The following KANK1 variants were observed in gnomAD, a reference collection of about 807,000 sequenced individuals.
KANK1 encodes KN motif and ankyrin repeat domains 1.
Under a neutral mutation model 106.2 loss-of-function variants are expected in KANK1, and 109 were observed. That is an observed-to-expected ratio of 1.03 (90% CI 0.88 to 1.20). The LOEUF (loss-of-function observed/expected upper bound fraction) is 1.20, where lower values mean the gene tolerates loss of function less well. Ranked by LOEUF, KANK1 falls within the 50% of genes most tolerant of loss-of-function variation. The pLI is 0.00. For missense variants in KANK1, 2,399 were observed against 1,710.7 expected (o/e 1.40, Z -7.10); for synonymous variants, 873 against 652.2 (o/e 1.34, Z -5.16).
chr9:707,030 C>CT, intron 2 of KANK1: 1 of 985,514 alleles, frequency 1.0e-6, no homozygotes, highest in Non-Finnish European at 1.2e-6. Flanking sequence ...TGCGGAACAG[C>CT]TGAGTGCGGC....
intron 1 of KANK1, among the ~76,000 whole-genome samples, chr9:647,710 A>G (rs566038817): frequency 1.3e-5 from 2 of 150,790 alleles, no homozygotes; most frequent in African/African-American, 2.5e-5. Flanking sequence ...GTCCTGAGCT[A>G]TTTTTTACTT....
intron 1 of KANK1, among the ~76,000 whole-genome samples, chr9:543,639 A>C (rs2060748560): frequency 6.6e-6 from 1 of 152,172 alleles, no homozygotes; most frequent in Admixed American, 6.5e-5. Context: ...TACGGAAGTC[A>C]GTACAGATCT....
intron 2 of KANK1, among the ~76,000 whole-genome samples, chr9:684,940 T>G (rs1818263546): frequency 6.6e-6 from 1 of 152,206 alleles, no homozygotes; most frequent in African/African-American, 2.4e-5. Flanking sequence ...TAGACTTCTC[T>G]AATAAAACCT....
chr9:553,180 A>AG (rs2061380755), intron 1 of KANK1, among the ~76,000 whole-genome samples: 2 of 152,168 alleles, frequency 1.3e-5, no homozygotes, highest in East Asian at 1.9e-4. Flanking sequence ...TGTCACCTTT[A>AG]TTTAAAAAAA....
chr9:722,290 C>G (rs1318043348), intron 3 of KANK1, among the ~76,000 whole-genome samples: 2 of 152,106 alleles, frequency 1.3e-5, no homozygotes, highest in African/African-American at 4.8e-5. Context: ...TGGAGTTTCA[C>G]TTCAACTGCA....
chr9:542,816 C>G (rs558022321), intron 1 of KANK1, among the ~76,000 whole-genome samples: 4 of 149,042 alleles, frequency 2.7e-5, no homozygotes, highest in South Asian at 4.3e-4. Context: ...TGCATTTTCT[C>G]ACTTATATGT....
At chr9:520,654 A>G (rs2059502355) in intron 1 of KANK1, among the ~76,000 whole-genome samples, 1 of 151,952 alleles carries the variant, frequency 6.6e-6, no homozygotes, top group Admixed American at 6.5e-5. Context: ...AGTTTTTAGA[A>G]TTGGTTAAAT....
intron 1 of KANK1, among the ~76,000 whole-genome samples, chr9:634,659 G>A (rs1836638971): frequency 6.6e-6 from 1 of 152,184 alleles, no homozygotes; most frequent in South Asian, 2.1e-4. Flanking sequence ...GGGAGGGACT[G>A]TTATCATCCT....
At chr9:556,474 C>G (rs1241283084) in intron 1 of KANK1, among the ~76,000 whole-genome samples, 3 of 152,134 alleles carry the variant, frequency 2.0e-5, no homozygotes, top group African/African-American at 7.2e-5. Flanking sequence ...TCATTTTAAA[C>G]TTATAATTAT....
Position 712,496 on chromosome 9 carries a change from T to C in KANK1, c.1730T>C (p.Met577Thr), listed in dbSNP as rs1314712159. Reference sequence around the variant, plus strand: ...TGGATTGTTAAGGAGAGGGTGGAAATGCATGACCGATGTGCTGGGAGGTCT... The same window carrying C: ...TGGATTGTTAAGGAGAGGGTGGAAACGCATGACCGATGTGCTGGGAGGTCT... Reference protein sequence around the residue: ...NWWIVKERVEMHDRCAGRSVE... With the variant: ...NWWIVKERVETHDRCAGRSVE... Residue 577 changes from methionine to threonine, a missense_variant, in exon 3 of 12, where the codon ATG becomes ACG. Met to Thr is a moderately conservative substitution (Grantham distance 81). Coordinates refer to ENST00000382297, the MANE Select transcript of KANK1 (RefSeq NM_015158.5). 2.5e-6 allele frequency: 4 copies of C among 1,614,088 alleles called. No homozygotes were observed. The highest frequency in any genetic ancestry group is 3.4e-6 in the Non-Finnish European group (4 of 1,180,016).
intron 2 of KANK1, chr9:707,235 CG>C: frequency 6.1e-6 from 6 of 986,050 alleles, no homozygotes; most frequent in Non-Finnish European, 7.2e-6. Context: ...GGGAGCGCGG[CG>C]GGCGCCACGT....
intron 1 of KANK1, among the ~76,000 whole-genome samples, chr9:651,047 G>T (rs1054277249): frequency 6.6e-6 from 1 of 152,122 alleles, no homozygotes; most frequent in Non-Finnish European, 1.5e-5. Flanking sequence ...CTATATTCTG[G>T]CTATTTAACC....
chr9:600,203 C>A (rs1485762856), intron 1 of KANK1, among the ~76,000 whole-genome samples: 1 of 151,602 alleles, frequency 6.6e-6, no homozygotes, highest in Non-Finnish European at 1.5e-5. Context: ...AACTCCCCAC[C>A]CCCCTCTTCC....
intron 1 of KANK1, among the ~76,000 whole-genome samples, chr9:563,126 C>T (rs1424920182): frequency 5.3e-5 from 8 of 151,662 alleles, no homozygotes; most frequent in African/African-American, 1.9e-4. Flanking sequence ...TGGAACCAAG[C>T]CTGTGTTCTG....
At chr9:628,954 C>T (rs960759196) in intron 1 of KANK1, among the ~76,000 whole-genome samples, 16 of 143,830 alleles carry the variant, frequency 1.1e-4, no homozygotes, top group African/African-American at 4.5e-4. Context: ...GTGATGGGCG[C>T]CTGTAATCCC....
chr9:568,605 T>A (rs10121330), intron 1 of KANK1, among the ~76,000 whole-genome samples: 38,339 of 151,846 alleles, frequency 0.25, 5,017 homozygotes, highest in Admixed American at 0.32. Flanking sequence ...TCATCCCGCC[T>A]CAGCCTGCTG....
At chr9:625,043 TG>T (rs201114639) in intron 1 of KANK1, among the ~76,000 whole-genome samples, 1 of 7,096 alleles carries the variant, frequency 1.4e-4, no homozygotes, top group Non-Finnish European at 2.7e-4. Context: ...AATTGTGCCT[TG>T]TTCGATGCCC....
chr9:549,699 C>G (rs2061155682), intron 1 of KANK1: 1 of 152,604 alleles, frequency 6.6e-6, no homozygotes, highest in Non-Finnish European at 1.5e-5. Flanking sequence ...CCCCTTTGTC[C>G]TTTCTCCTCC....
intron 1 of KANK1, among the ~76,000 whole-genome samples, chr9:672,172 G>A (rs1368240544): frequency 2.0e-5 from 3 of 152,162 alleles, no homozygotes; most frequent in Admixed American, 6.5e-5. Context: ...AGCTTTAAAT[G>A]TCAGCACTGT....
Sources: allele counts gnomAD v4.1 joint callset (sites outside exome capture counted in the v4.1 genomes callset), GRCh38; gene constraint gnomAD v4.1.1; transcripts MANE v1.5; gene names NCBI Gene and HGNC (gene_info 2026-07-23, HGNC 2026-07-21).